The following EYA1 variants were observed in gnomAD, a reference collection of about 807,000 sequenced individuals.
EYA1 encodes the protein protein phosphatase EYA1.
Under a neutral mutation model 82.0 loss-of-function variants are expected in EYA1, and 16 were observed. The ratio of observed to expected loss-of-function variants is 0.20; its 90% confidence interval spans 0.13 to 0.30. EYA1 has a LOEUF of 0.30. EYA1 is among the 10% of genes least tolerant of loss of function. EYA1 has a pLI of 1.00. For missense variants in EYA1, 633 were observed against 730.7 expected (o/e 0.87, Z 1.54); for synonymous variants, 261 against 264.4 (o/e 0.99, Z 0.12).
chr8:71,496,509 C>T (rs182802093), intron 2 of EYA1, among the ~76,000 whole-genome samples: 11 of 152,288 alleles, frequency 7.2e-5, no homozygotes, highest in African/African-American at 2.6e-4. Context: ...GTTAAATATT[C>T]ATAGGAAAAC....
chr8:71,350,090 G>C (rs1484167984), intron 3 of EYA1, among the ~76,000 whole-genome samples: 1 of 152,120 alleles, frequency 6.6e-6, no homozygotes, highest in East Asian at 1.9e-4. Flanking sequence ...TATTCACAAT[G>C]TCCCTTAATC....
At chr8:71,256,337 A>C (rs1009003471) in intron 11 of EYA1, among the ~76,000 whole-genome samples, 11 of 152,206 alleles carry the variant, frequency 7.2e-5, no homozygotes, top group Admixed American at 3.3e-4. Flanking sequence ...AAAAAATAAA[A>C]TGTGGCATAT....
chr8:71,430,235 C>T (rs1805518179), intron 2 of EYA1, among the ~76,000 whole-genome samples: 1 of 152,150 alleles, frequency 6.6e-6, no homozygotes, highest in African/African-American at 2.4e-5. Flanking sequence ...TGTAATATCT[C>T]ATTTGATCTT....
At chr8:71,393,151 T>C (rs1330016517) in intron 2 of EYA1, among the ~76,000 whole-genome samples, 1 of 152,164 alleles carries the variant, frequency 6.6e-6, no homozygotes, top group East Asian at 1.9e-4. Context: ...ACAAGTGCAA[T>C]ATTCACTGTA....
chr8:71,316,562 A>G (rs1821951799), intron 7 of EYA1, among the ~76,000 whole-genome samples: 2 of 152,224 alleles, frequency 1.3e-5, no homozygotes, highest in Non-Finnish European at 1.5e-5. Flanking sequence ...AACATATATC[A>G]TAATGATAAT....
At chr8:71,200,581 A>G (rs1452431255) in intron 17 of EYA1, among the ~76,000 whole-genome samples, 1 of 152,180 alleles carries the variant, frequency 6.6e-6, no homozygotes, top group Non-Finnish European at 1.5e-5. Flanking sequence ...GTGATAACAG[A>G]ATAGTCCAGA....
chr8:71,535,711 T>A (rs1444227344), intron 2 of EYA1: 1 of 1,473,460 alleles, frequency 6.8e-7, no homozygotes, highest in South Asian at 1.3e-5. Flanking sequence ...AAGTAATAAT[T>A]CTTTCCTTAG....
In EYA1 at chr8:71,545,739, T is replaced by G. The variant is rs540285138; in HGVS notation, c.-73+2125A>C. Among the ~76,000 whole-genome samples, 148 of 152,032 alleles carry G rather than the reference T, an allele frequency of 9.7e-4. 1 individual carries two copies. Among genetic ancestry groups the G allele is most frequent in the African/African-American group, 3.4e-3 (143 of 41,478 alleles). On this transcript the variant is annotated intron_variant, in intron 1 of 18. Coordinates refer to the EYA1 transcript ENST00000643681. ...ACCACGCCCAGCTAATTTTTTGTAT[T>G]TTTAGTAGTGGCAGGGTTTCACCCG...
At chr8:71,464,720 T>C (rs138006224) in intron 2 of EYA1, among the ~76,000 whole-genome samples, 2 of 152,318 alleles carry the variant, frequency 1.3e-5, no homozygotes, top group East Asian at 3.9e-4. Context: ...AAAATGAAGA[T>C]AGCATAAAAT....
chr8:71,470,718 C>G (rs1289006336), intron 2 of EYA1: 5 of 322,246 alleles, frequency 1.6e-5, no homozygotes, highest in South Asian at 1.0e-4. Context: ...CATGTTTTTC[C>G]TAAACACTCA....
At chr8:71,351,347 A>T (rs747404402) in intron 3 of EYA1, among the ~76,000 whole-genome samples, 3 of 152,214 alleles carry the variant, frequency 2.0e-5, no homozygotes, top group African/African-American at 4.8e-5. Context: ...ATTTGGAAAC[A>T]TATCACTTCT....
chr8:71,492,658 G>A (rs1811106335), intron 2 of EYA1, among the ~76,000 whole-genome samples: 1 of 151,906 alleles, frequency 6.6e-6, no homozygotes, highest in Non-Finnish European at 1.5e-5. Flanking sequence ...GTAGAGATGG[G>A]GTTTCACTGT....
rs1301852553 is a variant in EYA1, at chr8:71,356,509, C to G, written c.-52G>C. ...CATCTGAACTGGCTTGAGATGTTTG[C>G]ACCTGTGATCAGGGGTAAAAAAATT... On this transcript the variant is annotated splice_region_variant and 5_prime_UTR_variant, in exon 2 of 18. Transcript: ENST00000340726. 2 of 1,573,244 alleles carry G rather than the reference C, an allele frequency of 1.3e-6. No homozygotes were observed. Among genetic ancestry groups the G allele is most frequent in the Non-Finnish European group, 1.7e-6 (2 of 1,158,244 alleles).
intron 4 of EYA1, among the ~76,000 whole-genome samples, chr8:71,332,658 T>C (rs929136026): frequency 5.3e-5 from 8 of 152,140 alleles, no homozygotes; most frequent in Non-Finnish European, 5.9e-5. Context: ...CATAATTCTG[T>C]CCTATGAATA....
At chr8:71,245,025 T>C (rs1236965766) in intron 11 of EYA1, among the ~76,000 whole-genome samples, 1 of 152,142 alleles carries the variant, frequency 6.6e-6, no homozygotes, top group Non-Finnish European at 1.5e-5. Flanking sequence ...GAGCAAAAAA[T>C]TCAGTGAATC....
At chr8:71,508,337 G>A (rs757477378) in intron 2 of EYA1, among the ~76,000 whole-genome samples, 5 of 152,036 alleles carry the variant, frequency 3.3e-5, no homozygotes, top group Non-Finnish European at 7.4e-5. Context: ...GCAGTGGCAC[G>A]ATCTCAGCTC....
At chr8:71,301,870 C>T (rs1046017426) in intron 7 of EYA1, among the ~76,000 whole-genome samples, 3 of 151,812 alleles carry the variant, frequency 2.0e-5, no homozygotes, top group African/African-American at 7.3e-5. Context: ...ATGACTAAGA[C>T]ATAGCCTCAG....
chr8:71,330,045 G>C lies in EYA1; in HGVS notation c.202+4052C>G, dbSNP rs991786708. On this transcript the variant is annotated intron_variant, in intron 4 of 17. Coordinates refer to ENST00000340726, the MANE Select transcript of EYA1 (RefSeq NM_000503.6). ...GCCAGCAAAAAACACACTGTGTGGG[G>C]AGCATGTCTACCACATGGGAGGAAG... is the stretch of plus-strand genomic sequence containing the variant. Among the ~76,000 whole-genome samples the C allele has an allele frequency of 2.0e-5, 3 of 152,196 alleles. No individual in the cohort carries two copies. In the East Asian group the frequency reaches 5.8e-4, roughly 29 times the overall value.
chr8:71,503,842 A>G (rs1367315559), intron 2 of EYA1, among the ~76,000 whole-genome samples: 3 of 152,312 alleles, frequency 2.0e-5, no homozygotes, highest in African/African-American at 7.2e-5. Flanking sequence ...CAGGGTCTGG[A>G]CTTGAATCTA....
Sources: allele counts gnomAD v4.1 joint callset (sites outside exome capture counted in the v4.1 genomes callset), GRCh38; gene constraint gnomAD v4.1.1; transcripts MANE v1.5; gene names NCBI Gene and HGNC (gene_info 2026-07-23, HGNC 2026-07-21).